TMEM71: variants seen among roughly 807,000 people sequenced by gnomAD.
TMEM71 encodes the protein transmembrane protein 71.
A neutral mutation model predicts 38.0 loss-of-function variants in TMEM71; 44 were observed. The ratio of observed to expected loss-of-function variants is 1.16; its 90% CI spans 0.91 to 1.49. TMEM71 has a LOEUF of 1.49. Among genes scored for constraint, TMEM71 ranks in the 40% most tolerant of loss-of-function variants. The pLI is 0.00. For synonymous variants in TMEM71, 133 were observed against 122.5 expected, an observed-to-expected ratio of 1.09 and a Z score of -0.56; for missense variants, 367 against 348.6, an observed-to-expected ratio of 1.05 and a Z score of -0.42.
chr8:132,706,961 A>C (rs1049487758), downstream of TMEM71, among the ~76,000 whole-genome samples: 1 of 152,172 alleles, frequency 6.6e-6, no homozygotes, highest in Non-Finnish European at 1.5e-5. Context: ...AAAACAAAAA[A>C]CGATTAAGCC....
chr8:132,721,922 C>T lies in TMEM71; in HGVS notation c.752+118G>A, dbSNP rs1408203898. ...AACTTATCATGGACAGACACATGAA[C>T]GAATCTCAACCACAGAGCTACCTAA... On this transcript the variant is annotated intron_variant, in intron 7 of 9. Coordinates refer to ENST00000677595, the MANE Select transcript of TMEM71 (RefSeq NM_001382403.1). 21 of 861,650 alleles carry T rather than the reference C, an allele frequency of 2.4e-5. 1 individual carries two copies. The highest frequency in any genetic ancestry group is 2.2e-4 in the Admixed American group (12 of 55,448). 53.4% of individuals were successfully genotyped at this position (861,650 alleles called of 1,614,324 possible).
chr8:132,707,603 T>C (rs1454105215), downstream of TMEM71, among the ~76,000 whole-genome samples: 1 of 152,136 alleles, frequency 6.6e-6, no homozygotes, highest in Non-Finnish European at 1.5e-5. Flanking sequence ...TCTCATCTTC[T>C]CACCTTCAGC....
intron 5 of TMEM71, among the ~76,000 whole-genome samples, chr8:132,734,002 G>A (rs1218254023): frequency 6.6e-6 from 1 of 152,066 alleles, no homozygotes; most frequent in Non-Finnish European, 1.5e-5. Flanking sequence ...GGGGATAGGG[G>A]TTTGGGTGGG....
At chr8:132,726,707 A>G (rs557976654) in intron 6 of TMEM71, among the ~76,000 whole-genome samples, 1 of 152,344 alleles carries the variant, frequency 6.6e-6, no homozygotes, top group South Asian at 2.1e-4. Flanking sequence ...ACATTAGCAA[A>G]CCAGAGACTA....
At chr8:132,709,532 C>T (rs1826143695), downstream of TMEM71, among the ~76,000 whole-genome samples, 5 of 152,036 alleles carry the variant, frequency 3.3e-5, no homozygotes, top group South Asian at 1.0e-3. Context: ...AGAGTGGATC[C>T]TAAATGTAGT....
At chr8:132,714,284 A>T in intron 7 of TMEM71, 69 bp from the exon 8 acceptor site, 1 of 1,163,486 alleles carries the variant, frequency 8.6e-7, no homozygotes, top group Admixed American at 1.8e-5. Flanking sequence ...ATTTTTTTAG[A>T]CTTACTATAG....
intron 5 of TMEM71, among the ~76,000 whole-genome samples, chr8:132,741,534 A>G (rs1407160382): frequency 6.6e-6 from 1 of 151,282 alleles, no homozygotes; most frequent in Non-Finnish European, 1.5e-5. Context: ...GTCATCTCCA[A>G]TGATAGGTAA....
chr8:132,769,209 G>A, the TMEM71 span, among the ~76,000 whole-genome samples: 8 of 152,210 alleles, frequency 5.3e-5, no homozygotes, highest in African/African-American at 1.9e-4. Flanking sequence ...CTTATTTGAA[G>A]CTTACTCATC....
chr8:132,768,959 G>GAAGTT, the TMEM71 span, among the ~76,000 whole-genome samples: 1 of 152,368 alleles, frequency 6.6e-6, no homozygotes, highest in African/African-American at 2.4e-5. Context: ...ACAATGTATT[G>GAAGTT]AAGTTATCTG....
At position 132,746,975 on chromosome 8, in the gene TMEM71, T is replaced by C. The variant is rs755572934; in HGVS notation, c.454A>G (p.Arg152Gly). The C allele has an allele frequency of 5.0e-6, 8 of 1,611,954 alleles. No homozygotes were observed. Among genetic ancestry groups the C allele is most frequent in the Non-Finnish European group, 5.9e-6 (7 of 1,179,370 alleles). ...PSEDNWLKGT[R>G]RLDTDHCNGN... ...TTGCAATGGTCTGTGTCCAACCTCC[T>C]GGTCCCCTTCAACCAGTTGTCTTCA... The change falls in exon 5 of 10, where the codon AGG becomes GGG. Residue 152 changes from arginine (R) to glycine (G), a missense_variant. Arg to Gly is a moderately radical substitution (Grantham distance 125). Transcript: ENST00000677595.
intron 3 of TMEM71, among the ~76,000 whole-genome samples, chr8:132,755,769 TGA>T (rs780073609): frequency 1.2e-4 from 18 of 152,200 alleles, no homozygotes; most frequent in Non-Finnish European, 2.4e-4. Flanking sequence ...TTCAAATTAA[TGA>T]GAGTTATTGA....
rs984351453 is a variant in TMEM71 at position 132,745,157 on chromosome 8, A to G, written c.487+1785T>C. Among the ~76,000 whole-genome samples the G allele has an allele frequency of 5.9e-5, 9 of 152,340 alleles. No homozygotes were observed. In the East Asian group the frequency reaches 1.3e-3, roughly 23 times the overall value. On this transcript the variant is annotated intron_variant, in intron 5 of 9. Transcript: ENST00000677595. ...TAAGTCCTCAAAAGCAATTGCAACA[A>G]AAACAAAAATTGACAAATAGAACCT... is the stretch of plus-strand genomic sequence containing the variant.
intron 3 of TMEM71, among the ~76,000 whole-genome samples, chr8:132,756,428 T>TATATA (rs1435187827): frequency 1.4e-5 from 2 of 144,178 alleles, no homozygotes; most frequent in East Asian, 2.0e-4. Context: ...TATATATATA[T>TATATA]ATATATATAT....
At chr8:132,720,114 C>T (rs57208027) in intron 7 of TMEM71, among the ~76,000 whole-genome samples, 14,339 of 152,140 alleles carry the variant, frequency 0.094, 806 homozygotes, top group East Asian at 0.29. Context: ...CTCACCACGT[C>T]GTATCAAGGG....
the TMEM71 span, among the ~76,000 whole-genome samples, chr8:132,769,716 C>T: frequency 6.6e-6 from 1 of 152,306 alleles, no homozygotes; most frequent in African/African-American, 2.4e-5. Context: ...GAATCCCAGG[C>T]ACCAAATCAA....
intron 9 of TMEM71, 43 bp downstream of exon 9, chr8:132,713,952 T>C: frequency 1.9e-6 from 3 of 1,590,662 alleles, no homozygotes; most frequent in Non-Finnish European, 2.6e-6. Context: ...CAAATTATGA[T>C]CACCTTGGTC....
At chr8:132,706,935 G>A (rs1438565378), downstream of TMEM71, among the ~76,000 whole-genome samples, 1 of 152,196 alleles carries the variant, frequency 6.6e-6, no homozygotes, top group East Asian at 1.9e-4. Context: ...GGAAGTAATT[G>A]TTCCCCACAA....
chr8:132,751,871 A>T lies in TMEM71; in HGVS notation c.228T>A (p.Thr76=). The change falls in exon 4 of 10, where the codon ACT becomes ACA. Residue 76 remains threonine (T), a synonymous_variant. Coordinates refer to ENST00000677595, the MANE Select transcript of TMEM71 (RefSeq NM_001382403.1). ...CTTTGTCGCACAGGAAGCTGTCTTC[A>T]GTCCAAATATAGTAGCCATTGGTGA... The part of the protein sequence containing the change: ...RLLTNGYYIW[T]EDSFLCDKDG... 1 of 1,614,058 alleles carries T rather than the reference A, an allele frequency of 6.2e-7. No individual in the cohort carries two copies. The highest frequency in any genetic ancestry group is 8.5e-7 in the Non-Finnish European group (1 of 1,180,032).
At chr8:132,756,411 T>TATTATATATATATA (rs1554619985) in intron 3 of TMEM71, among the ~76,000 whole-genome samples, 9 of 115,812 alleles carry the variant, frequency 7.8e-5, no homozygotes, top group East Asian at 2.4e-4. Flanking sequence ...AACATATATA[T>TATTATATATATATA]TATATATATA....
Sources: gnomAD v4.1 joint callset for allele counts (sites outside exome capture counted in the v4.1 genomes callset) on GRCh38, gnomAD v4.1.1 for gene constraint, MANE v1.5 for transcripts, NCBI Gene and HGNC (gene_info 2026-07-23, HGNC 2026-07-21) for gene names.